Variants in PLEKHA5 observed in about 807,000 individuals in gnomAD.
PLEKHA5 encodes pleckstrin homology domain containing A5, also known as pleckstrin homology domain-containing family A member 5.
PLEKHA5 carries 55 observed loss-of-function variants against 181.9 expected under a neutral mutation model. The observed-to-expected ratio is 0.30, with a 90% CI of 0.24 to 0.38. The LOEUF is 0.38. Ranked by LOEUF, PLEKHA5 falls within the 10% of genes least tolerant of loss-of-function variation. The pLI is 1.00. For missense variants in PLEKHA5, 1,432 were observed against 1,549.5 expected, an observed-to-expected ratio of 0.92 and a Z score of 1.27; for synonymous variants, 535 against 529.4, an observed-to-expected ratio of 1.01 and a Z score of -0.15.
intron 15 of PLEKHA5, chr12:19,306,376 T>A: frequency 2.0e-6 from 1 of 505,020 alleles, no homozygotes; most frequent in Non-Finnish European, 3.8e-6. Context: ...GCGTGCTCTC[T>A]TCCCCTCCCC....
intron 26 of PLEKHA5, among the ~76,000 whole-genome samples, chr12:19,357,503 C>T (rs970044583): frequency 6.6e-6 from 1 of 152,176 alleles, no homozygotes. Flanking sequence ...GCCTCAGCCT[C>T]CCAAAGTACT....
chr12:19,274,508 G>A lies in PLEKHA5; in HGVS notation c.846-8G>A, dbSNP rs368682373. ...CTGATTTACTATGATTTTCTTCTCT[G>A]ATTTCAGAGTGGACAAGATTACATC... is the stretch of plus-strand genomic sequence containing the variant. On this transcript the variant is annotated splice_region_variant and splice_polypyrimidine_tract_variant and intron_variant, in intron 10 of 31. Coordinates refer to ENST00000429027, the MANE Select transcript of PLEKHA5 (RefSeq NM_001256470.2). 78 of 1,539,112 alleles carry A rather than the reference G, an allele frequency of 5.1e-5. No homozygotes were observed. The highest frequency in any genetic ancestry group is 2.1e-4 in the South Asian group (18 of 86,386).
chr12:19,302,966 G>T (rs1455833796), intron 15 of PLEKHA5, among the ~76,000 whole-genome samples: 1 of 119,342 alleles, frequency 8.4e-6, no homozygotes, highest in Non-Finnish European at 1.6e-5. Flanking sequence ...CTGTTGCCCG[G>T]ACTGGAGTGC....
At chr12:19,247,496 T>C (rs2064038666) in intron 3 of PLEKHA5, among the ~76,000 whole-genome samples, 1 of 152,148 alleles carries the variant, frequency 6.6e-6, no homozygotes. Flanking sequence ...AGACATGTCA[T>C]TTTAGTGTTA....
rs148556222 is a variant in PLEKHA5 at position 19,224,228 on chromosome 12, A to G, written c.228-29712A>G. ...AGCTATTTTTTGAATAAAAATCTGC[A>G]ATTTTGCGGATACTGCTTAGGATGA... On this transcript the variant is annotated intron_variant, in intron 3 of 31. Coordinates refer to ENST00000429027, the MANE Select transcript of PLEKHA5 (RefSeq NM_001256470.2). Among the ~76,000 whole-genome samples, 892 of 152,312 alleles carry G rather than the reference A, an allele frequency of 5.9e-3. 6 individuals are homozygous for G. Among genetic ancestry groups the G allele is most frequent in the African/African-American group, 0.02 (833 of 41,564 alleles).
intron 3 of PLEKHA5, chr12:19,152,835 G>C (rs964350957): frequency 4.6e-5 from 7 of 152,046 alleles, no homozygotes; most frequent in African/African-American, 1.7e-4. Context: ...ACATGCATTT[G>C]ATTTTGGGAA....
At chr12:19,194,412 G>A (rs940110292) in intron 3 of PLEKHA5, among the ~76,000 whole-genome samples, 1 of 152,146 alleles carries the variant, frequency 6.6e-6, no homozygotes, top group Non-Finnish European at 1.5e-5. Flanking sequence ...ACATACAAGT[G>A]CATGTATCTT....
At chr12:19,135,536 T>A (rs571341380) in intron 3 of PLEKHA5, among the ~76,000 whole-genome samples, 2 of 152,282 alleles carry the variant, frequency 1.3e-5, no homozygotes, top group East Asian at 3.9e-4. Context: ...CTTAACTATT[T>A]TATCCTCCCT....
rs2095531473 is a variant in PLEKHA5, at chr12:19,369,791, TAGA to T, written c.*10_*11+1del. The T allele has an allele frequency of 2.6e-6, 4 of 1,563,438 alleles. No homozygotes were observed. Among genetic ancestry groups the T allele is most frequent in the African/African-American group, 2.7e-5 (2 of 73,510 alleles). On this transcript the variant is annotated 3_prime_UTR_variant, in exon 31 of 32. Transcript: ENST00000429027. ...ATCACATTTCATGTGTGTGTAGTCT[TAGA>T]AGAAGTACGTCATTTCCCTTTGCAT...
At chr12:19,208,054 A>G (rs905816311) in intron 3 of PLEKHA5, among the ~76,000 whole-genome samples, 2 of 152,088 alleles carry the variant, frequency 1.3e-5, no homozygotes, top group East Asian at 3.9e-4. Flanking sequence ...ACTCTAGAGA[A>G]CCTACTCTCA....
intron 3 of PLEKHA5, among the ~76,000 whole-genome samples, chr12:19,173,048 G>A (rs1307890028): frequency 2.1e-5 from 2 of 95,772 alleles, no homozygotes; most frequent in African/African-American, 4.1e-5. Context: ...ACGGAGTCTC[G>A]CTCTGTCGCC....
At chr12:19,243,069 A>AGAG (rs371320112) in intron 3 of PLEKHA5, 2 of 152,320 alleles carry the variant, frequency 1.3e-5, no homozygotes, top group Non-Finnish European at 2.9e-5. Flanking sequence ...CAGTGAGATG[A>AGAG]GAGGAGGAGG....
At position 19,130,276 on chromosome 12, in the gene PLEKHA5, G is replaced by A. The variant is rs2033139925; in HGVS notation, c.169+146G>A. On this transcript the variant is annotated intron_variant, in intron 2 of 31. Coordinates refer to ENST00000429027, the MANE Select transcript of PLEKHA5 (RefSeq NM_001256470.2). This position sits in a 1 kb window ranked among gnomAD's most constrained non-coding sequence, Gnocchi z 4.5. The stretch of plus-strand genomic sequence containing the variant: ...GGCCGGGCGGGAGCGGCCGCAGGTA[G>A]AGGGGCCACGGGGACTCCGCCGCCG... 2.7e-6 allele frequency: 1 copy of A among 366,846 alleles called. No individual in the cohort carries two copies. The highest frequency in any genetic ancestry group is 2.2e-5 in the African/African-American group (1 of 46,050). 22.7% of individuals were successfully genotyped at this position (366,846 alleles called of 1,614,324 possible).
chr12:19,336,514 G>T lies in PLEKHA5; in HGVS notation c.2449-1G>T, dbSNP rs1469438355. ...AAGTAATTAACACTTTTTGGTTTTA[G>T]GAATTGGAACGAGCATGGAGAGAAT... On this transcript the variant is annotated splice_acceptor_variant, in intron 20 of 31. Coordinates refer to ENST00000429027, the MANE Select transcript of PLEKHA5 (RefSeq NM_001256470.2). LOFTEE classifies it high-confidence loss of function. 3 of 1,562,528 alleles carry T rather than the reference G, an allele frequency of 1.9e-6. No homozygotes were observed. The highest frequency in any genetic ancestry group is 2.6e-6 in the Non-Finnish European group (3 of 1,140,316).
chr12:19,310,110 C>T (rs1319274342), intron 15 of PLEKHA5, among the ~76,000 whole-genome samples: 1 of 151,874 alleles, frequency 6.6e-6, no homozygotes, highest in Non-Finnish European at 1.5e-5. Flanking sequence ...TCTGTATTAC[C>T]TGTTACTTCA....
intron 21 of PLEKHA5, among the ~76,000 whole-genome samples, chr12:19,339,357 A>T (rs1480285258): frequency 6.6e-6 from 1 of 152,194 alleles, no homozygotes; most frequent in Non-Finnish European, 1.5e-5. Flanking sequence ...TCTTAAAAAT[A>T]GTAAAATTTG....
chr12:19,355,236 G>A (rs1459548760), intron 26 of PLEKHA5, among the ~76,000 whole-genome samples: 2 of 151,690 alleles, frequency 1.3e-5, no homozygotes, highest in Admixed American at 6.6e-5. Context: ...AATTTGGGCT[G>A]CAAAAATGCT....
At chr12:19,153,370 A>G (rs2040906628) in intron 3 of PLEKHA5, 1 of 152,174 alleles carries the variant, frequency 6.6e-6, no homozygotes, top group South Asian at 2.1e-4. Context: ...TAAACCATTA[A>G]TGGTAAATCT....
At chr12:19,132,568 T>A in intron 3 of PLEKHA5, 118 bp downstream of exon 3, 1 of 640,290 alleles carries the variant, frequency 1.6e-6, no homozygotes, top group Non-Finnish European at 2.8e-6. Context: ...CATATAATGG[T>A]GACTGTATTC....
Sources: gnomAD v4.1 joint callset for allele counts (sites outside exome capture counted in the v4.1 genomes callset) on GRCh38, gnomAD v4.1.1 for gene constraint, Gnocchi (gnomAD v3.1) non-coding constraint, MANE v1.5 for transcripts, NCBI Gene and HGNC (gene_info 2026-07-23, HGNC 2026-07-21) for gene names.